Variants in STAC observed in about 807,000 individuals in gnomAD.
STAC encodes the protein SH3 and cysteine rich domain.
STAC carries 43 observed loss-of-function variants against 48.8 expected under a neutral mutation model. The observed-to-expected ratio is 0.88, with a 90% CI of 0.69 to 1.14. The LOEUF is 1.14. STAC is among the 50% of genes most tolerant of loss of function. The pLI is 0.00. For synonymous variants in STAC, 193 were observed against 179.5 expected, an observed-to-expected ratio of 1.07 and a Z score of -0.60; for missense variants, 497 against 504.0, an observed-to-expected ratio of 0.99 and a Z score of 0.13.
At chr3:36,447,583 T>C (rs1176030489) in intron 2 of STAC, among the ~76,000 whole-genome samples, 1 of 151,928 alleles carries the variant, frequency 6.6e-6, no homozygotes, top group African/African-American at 2.4e-5. Context: ...CCTCATCCCA[T>C]TGCTCAACAA....
intron 8 of STAC, among the ~76,000 whole-genome samples, chr3:36,514,540 A>C (rs1028810168): frequency 1.3e-5 from 2 of 152,234 alleles, no homozygotes; most frequent in East Asian, 1.9e-4. Flanking sequence ...GCTAGTCTCT[A>C]TCTCTCCTGT....
intron 8 of STAC, among the ~76,000 whole-genome samples, chr3:36,513,928 G>A (rs994073309): frequency 1.3e-5 from 2 of 152,080 alleles, no homozygotes; most frequent in Non-Finnish European, 2.9e-5. Flanking sequence ...GTGGGCATCA[G>A]TTGACCTGGG....
chr3:36,529,803 T>A (rs922735122), intron 10 of STAC, among the ~76,000 whole-genome samples: 1 of 151,976 alleles, frequency 6.6e-6, no homozygotes, highest in Non-Finnish European at 1.5e-5. Flanking sequence ...ATGTCCTGTG[T>A]CCTCACTACA....
intron 8 of STAC, among the ~76,000 whole-genome samples, chr3:36,522,048 A>G: frequency 6.6e-6 from 1 of 152,148 alleles, no homozygotes; most frequent in Non-Finnish European, 1.5e-5. Flanking sequence ...TGATTGCACC[A>G]TTGCACTCCA....
At chr3:36,474,078 T>C (rs1022836689) in intron 2 of STAC, among the ~76,000 whole-genome samples, 1 of 152,202 alleles carries the variant, frequency 6.6e-6, no homozygotes, top group Non-Finnish European at 1.5e-5. Flanking sequence ...TTCAAAGGCC[T>C]ATACTGGGCT....
intron 8 of STAC, among the ~76,000 whole-genome samples, chr3:36,514,086 G>A (rs1263937408): frequency 6.6e-6 from 1 of 151,224 alleles, no homozygotes. Flanking sequence ...ACACATATTT[G>A]CTCAAAACTG....
At chr3:36,456,519 G>A (rs900420747) in intron 2 of STAC, among the ~76,000 whole-genome samples, 2 of 152,100 alleles carry the variant, frequency 1.3e-5, no homozygotes, top group African/African-American at 4.8e-5. Flanking sequence ...TTAATGCCTT[G>A]CTCCCTGCTG....
intron 10 of STAC, among the ~76,000 whole-genome samples, chr3:36,541,687 G>A (rs547878797): frequency 5.9e-5 from 9 of 152,298 alleles, no homozygotes; most frequent in East Asian, 1.9e-4. Flanking sequence ...TAAGGCATTC[G>A]AATCCAGAAG....
chr3:36,452,359 C>A (rs1696707852), intron 2 of STAC, among the ~76,000 whole-genome samples: 1 of 152,106 alleles, frequency 6.6e-6, no homozygotes, highest in African/African-American at 2.4e-5. Context: ...GCATGTCTTT[C>A]CTTATGGCAT....
intron 8 of STAC, among the ~76,000 whole-genome samples, chr3:36,509,939 C>T (rs774963793): frequency 4.6e-5 from 7 of 152,044 alleles, no homozygotes; most frequent in Non-Finnish European, 1.0e-4. Context: ...GCAATGGCAA[C>T]AAACGTCAAA....
rs1161630295 is a variant in STAC, at chr3:36,443,506, C to G, written c.254C>G (p.Pro85Arg). 6.2e-7 allele frequency: 1 copy of G among 1,614,100 alleles called. No individual in the cohort carries two copies. Among genetic ancestry groups the G allele is most frequent in the South Asian group, 1.1e-5 (1 of 91,092 alleles). The change falls in exon 2 of 11, where the codon CCA (proline) becomes CGA (arginine). Residue 85 changes from proline (P) to arginine (R), a missense_variant. Pro to Arg is a moderately radical substitution (Grantham distance 103). Transcript: ENST00000273183. This position sits in a 1 kb window ranked among gnomAD's most constrained non-coding sequence, Gnocchi z 4.2. The part of the protein sequence containing the change: ...MVAEISPSSS[P>R]LPAPGSLTST... ...GCTGAGATCAGCCCCAGCTCCAGCC[C>G]ACTCCCTGCTCCAGGAAGCCTGACG...
At chr3:36,501,420 AT>A (rs758364161) in intron 6 of STAC, among the ~76,000 whole-genome samples, 1 of 152,082 alleles carries the variant, frequency 6.6e-6, no homozygotes, top group Non-Finnish European at 1.5e-5. Context: ...ATCTCTAATG[AT>A]TTTTTAAGAT....
At chr3:36,420,229 A>C (rs1175821627) in intron 1 of STAC, among the ~76,000 whole-genome samples, 1 of 152,156 alleles carries the variant, frequency 6.6e-6, no homozygotes, top group Non-Finnish European at 1.5e-5. Flanking sequence ...AAGAACTGTA[A>C]AGTTCTATGA....
chr3:36,467,359 A>C (rs1215114482), intron 2 of STAC, among the ~76,000 whole-genome samples: 1 of 152,130 alleles, frequency 6.6e-6, no homozygotes, highest in Non-Finnish European at 1.5e-5. Flanking sequence ...CTGGATTCAT[A>C]GAATGATTTA....
At chr3:36,440,738 G>A (rs1575201375) in intron 1 of STAC, among the ~76,000 whole-genome samples, 1 of 152,176 alleles carries the variant, frequency 6.6e-6, no homozygotes, top group Non-Finnish European at 1.5e-5. Flanking sequence ...CAGTCTTTTT[G>A]TAGTCTACCC....
intron 1 of STAC, among the ~76,000 whole-genome samples, chr3:36,422,821 C>T (rs1050356453): frequency 1.3e-5 from 2 of 151,996 alleles, no homozygotes; most frequent in African/African-American, 4.8e-5. Flanking sequence ...AAAGACACTC[C>T]TTATACCAGC....
intron 6 of STAC, among the ~76,000 whole-genome samples, chr3:36,503,536 C>T (rs928124139): frequency 4.6e-5 from 7 of 152,084 alleles, no homozygotes; most frequent in African/African-American, 1.4e-4. Context: ...CAGGCTTAAG[C>T]GATTCTCTTG....
chr3:36,496,426 T>C (rs1322264176), intron 6 of STAC, among the ~76,000 whole-genome samples: 1 of 152,206 alleles, frequency 6.6e-6, no homozygotes, highest in Non-Finnish European at 1.5e-5. Flanking sequence ...AGGATTACAG[T>C]CACAACCAGT....
intron 6 of STAC, among the ~76,000 whole-genome samples, chr3:36,504,035 A>T (rs2125712857): frequency 6.6e-6 from 1 of 152,250 alleles, no homozygotes; most frequent in African/African-American, 2.4e-5. Context: ...CTCAACCACC[A>T]CCCCATTAAC....
Sources: gnomAD v4.1 joint callset for allele counts (sites outside exome capture counted in the v4.1 genomes callset) on GRCh38, gnomAD v4.1.1 for gene constraint, Gnocchi (gnomAD v3.1) non-coding constraint, MANE v1.5 for transcripts, NCBI Gene and HGNC (gene_info 2026-07-23, HGNC 2026-07-21) for gene names.